RNF149: variants seen among roughly 807,000 people sequenced by gnomAD.
The protein encoded by RNF149 is E3 ubiquitin-protein ligase RNF149.
RNF149 carries 21 observed loss-of-function variants against 39.0 expected under a neutral mutation model. The observed-to-expected ratio is 0.54, with a 90% CI of 0.38 to 0.77. The LOEUF (loss-of-function observed/expected upper bound fraction) is 0.77. RNF149 is among the 30% of genes least tolerant of loss of function. The pLI, the probability that RNF149 is intolerant of heterozygous loss-of-function variation, is 0.00. For missense variants in RNF149, 493 were observed against 534.9 expected (o/e 0.92, Z 0.77); for synonymous variants, 209 against 213.6 (o/e 0.98, Z 0.19).
At chr2:101,273,405 T>C (rs937037343), downstream of RNF149, 3 of 468,750 alleles carry the variant, frequency 6.4e-6, no homozygotes, top group African/African-American at 2.0e-5. Context: ...CCTGATTTAT[T>C]ATACATTCCC....
At chr2:101,278,780 G>A (rs931223743) in intron 6 of RNF149, among the ~76,000 whole-genome samples, 9 of 152,152 alleles carry the variant, frequency 5.9e-5, no homozygotes, top group Non-Finnish European at 2.9e-5. Flanking sequence ...GCTCCTAACT[G>A]AAACTTTGTA....
chr2:101,295,409 A>G (rs1269935966), intron 1 of RNF149, among the ~76,000 whole-genome samples: 1 of 152,082 alleles, frequency 6.6e-6, no homozygotes, highest in Non-Finnish European at 1.5e-5. Context: ...GCCTGCCTGT[A>G]ATAGCACTTT....
At chr2:101,277,412 G>C (rs1413186732) in intron 6 of RNF149, 131 bp from the exon 7 acceptor site, 2 of 1,280,854 alleles carry the variant, frequency 1.6e-6, no homozygotes. Flanking sequence ...TTTTTGAGAC[G>C]GAGTCTTGTT....
intron 4 of RNF149, among the ~76,000 whole-genome samples, chr2:101,288,436 C>G (rs1682878936): frequency 6.6e-6 from 1 of 151,900 alleles, no homozygotes. Context: ...CGGGGTTTCA[C>G]CATGTTGACC....
chr2:101,296,075 G>A (rs1391740805), intron 1 of RNF149, among the ~76,000 whole-genome samples: 1 of 152,188 alleles, frequency 6.6e-6, no homozygotes, highest in African/African-American at 2.4e-5. Flanking sequence ...CTGAGATCAT[G>A]CTACTGCATT....
chr2:101,278,299 C>T (rs1356937612), intron 6 of RNF149, among the ~76,000 whole-genome samples: 1 of 152,018 alleles, frequency 6.6e-6, no homozygotes, highest in East Asian at 1.9e-4. Flanking sequence ...CTACAGTAGG[C>T]ACACGCCACC....
At chr2:101,304,835 A>ATTT (rs11340908) in intron 1 of RNF149, among the ~76,000 whole-genome samples, 29 of 89,746 alleles carry the variant, frequency 3.2e-4, no homozygotes, top group South Asian at 1.0e-3. Flanking sequence ...GACTACTAGT[A>ATTT]TTTTTTTTTT....
chr2:101,304,268 G>A (rs926243900), intron 1 of RNF149, among the ~76,000 whole-genome samples: 4 of 152,200 alleles, frequency 2.6e-5, no homozygotes, highest in African/African-American at 9.6e-5. Context: ...ACGGTGGCGT[G>A]CACTTGTAGT....
downstream of RNF149, among the ~76,000 whole-genome samples, chr2:101,274,597 A>C (rs1342304523): frequency 6.6e-6 from 1 of 152,214 alleles, no homozygotes; most frequent in Admixed American, 6.5e-5. Context: ...CTTACCTCGA[A>C]GGAGACACAG....
At chr2:101,293,034 C>T (rs1378285437) in intron 3 of RNF149, among the ~76,000 whole-genome samples, 1 of 144,852 alleles carries the variant, frequency 6.9e-6, no homozygotes, top group African/African-American at 2.6e-5. Context: ...AAAATAATAC[C>T]TTGCACAAAC....
intron 5 of RNF149, among the ~76,000 whole-genome samples, chr2:101,282,556 C>T (rs915864626): frequency 6.6e-6 from 1 of 152,158 alleles, no homozygotes; most frequent in Non-Finnish European, 1.5e-5. Flanking sequence ...TCCACCTTCC[C>T]TCCCTCCTTC....
chr2:101,283,890 TA>T (rs939003223), intron 5 of RNF149, among the ~76,000 whole-genome samples: 7 of 152,268 alleles, frequency 4.6e-5, no homozygotes, highest in Admixed American at 6.5e-5. Flanking sequence ...AAAGCAAGTT[TA>T]AAACTACTGA....
At chr2:101,302,359 T>A (rs1683485936) in intron 1 of RNF149, among the ~76,000 whole-genome samples, 3 of 152,174 alleles carry the variant, frequency 2.0e-5, no homozygotes, top group Admixed American at 2.0e-4. Flanking sequence ...ATTTGGTGAA[T>A]TCATCAATAT....
chr2:101,279,236 T>C (rs1176679649), intron 6 of RNF149, among the ~76,000 whole-genome samples: 1 of 152,216 alleles, frequency 6.6e-6, no homozygotes, highest in East Asian at 1.9e-4. Context: ...GTATCTGACA[T>C]TTTGCTGCTT....
chr2:101,289,092 G>A (rs1254141192), intron 3 of RNF149, 37 bp from the exon 4 acceptor site: 2 of 1,211,200 alleles, frequency 1.7e-6, no homozygotes, highest in Non-Finnish European at 2.4e-6. Context: ...TACATTCTTG[G>A]TACACAGTAT....
rs560781940 is a variant in RNF149 at position 101,276,782 on chromosome 2, C to A, written c.*456G>T. ...AAGTTTCAAGTTCTTAAAAAAAAAACAACAAAAAAAACCTTTCCTCCAGGG... is the reference window on the plus strand; with the variant it reads ...AAGTTTCAAGTTCTTAAAAAAAAAAAAACAAAAAAAACCTTTCCTCCAGGG... On this transcript the variant is annotated 3_prime_UTR_variant, in exon 7 of 7. Coordinates refer to ENST00000295317, the MANE Select transcript of RNF149 (RefSeq NM_173647.4). 40 of 983,990 alleles carry A rather than the reference C, an allele frequency of 4.1e-5. No homozygotes were observed. In the South Asian group the frequency reaches 1.2e-3, roughly 29 times the overall value. 61.0% of individuals were successfully genotyped at this position (983,990 alleles called of 1,614,324 possible).
At chr2:101,301,172 C>T (rs1232120840) in intron 1 of RNF149, among the ~76,000 whole-genome samples, 2 of 152,134 alleles carry the variant, frequency 1.3e-5, no homozygotes, top group East Asian at 3.9e-4. Context: ...TTGCACAATC[C>T]CTCTTCCCCA....
At chr2:101,285,565 CG>C (rs1682764133) in intron 5 of RNF149, among the ~76,000 whole-genome samples, 1 of 152,134 alleles carries the variant, frequency 6.6e-6, no homozygotes, top group South Asian at 2.1e-4. Context: ...CTTTTCATTT[CG>C]CCCCCGTGTC....
intron 4 of RNF149, among the ~76,000 whole-genome samples, chr2:101,286,853 A>G (rs1192234166): frequency 6.6e-6 from 1 of 152,294 alleles, no homozygotes; most frequent in East Asian, 1.9e-4. Flanking sequence ...CTGCGACTCA[A>G]TGGCTGGGAC....
Sources: gnomAD v4.1 joint callset for allele counts (sites outside exome capture counted in the v4.1 genomes callset) on GRCh38, gnomAD v4.1.1 for gene constraint, MANE v1.5 for transcripts, NCBI Gene and HGNC (gene_info 2026-07-23, HGNC 2026-07-21) for gene names.